PDSS2: variants seen among roughly 807,000 people sequenced by gnomAD.
The protein encoded by PDSS2 is all trans-polyprenyl-diphosphate synthase PDSS2.
PDSS2 carries 31 observed loss-of-function variants against 44.5 expected under a neutral mutation model. The observed-to-expected ratio is 0.70, with a 90% confidence interval of 0.52 to 0.94. The LOEUF is 0.94. PDSS2 is among the 40% of genes least tolerant of loss of function. PDSS2 has a pLI of 0.00. For missense variants in PDSS2, 452 were observed against 482.2 expected (o/e 0.94, Z 0.59); for synonymous variants, 157 against 180.3 (o/e 0.87, Z 1.03).
At chr6:107,333,788 G>A (rs9384656) in intron 2 of PDSS2, among the ~76,000 whole-genome samples, 23,374 of 152,092 alleles carry the variant, frequency 0.15, 2,156 homozygotes, top group East Asian at 0.26. Flanking sequence ...CACCAGGCTT[G>A]GCCTCCTAAA....
chr6:107,411,659 T>C (rs1780497476), intron 1 of PDSS2, among the ~76,000 whole-genome samples: 1 of 152,180 alleles, frequency 6.6e-6, no homozygotes, highest in South Asian at 2.1e-4. Context: ...CTAAACAATA[T>C]AGTTTTACAA....
At chr6:107,301,107 T>G (rs1776679963) in intron 2 of PDSS2, among the ~76,000 whole-genome samples, 1 of 152,244 alleles carries the variant, frequency 6.6e-6, no homozygotes, top group Non-Finnish European at 1.5e-5. Flanking sequence ...AGTGAAGTGA[T>G]GAAATTTGAA....
Position 107,358,826 on chromosome 6 carries a change from C to A in PDSS2, c.297-24494G>T, listed in dbSNP as rs1778668841. ...TTACCCACTAGATGCCAATAGCACC[C>A]CCAGTTGTAATAGCCAAAAATGTCT... On this transcript the variant is annotated intron_variant, in intron 1 of 7. Transcript: ENST00000369037. Among the ~76,000 whole-genome samples the A allele has an allele frequency of 2.0e-5, 3 of 152,012 alleles. No homozygotes were observed. In the South Asian group the frequency reaches 6.3e-4, roughly 32 times the overall value.
intron 1 of PDSS2, among the ~76,000 whole-genome samples, chr6:107,458,670 G>A (rs138043063): frequency 1.9e-3 from 289 of 151,664 alleles, no homozygotes; most frequent in African/African-American, 6.7e-3. Context: ...AAAATTTCTA[G>A]GAAGTGACTC....
chr6:107,366,304 A>G (rs1484883256), intron 1 of PDSS2, among the ~76,000 whole-genome samples: 1 of 152,154 alleles, frequency 6.6e-6, no homozygotes, highest in African/African-American at 2.4e-5. Context: ...GAAATCATTT[A>G]AAAAATTTTA....
At chr6:107,419,224 A>T (rs766593458) in intron 1 of PDSS2, among the ~76,000 whole-genome samples, 2 of 152,328 alleles carry the variant, frequency 1.3e-5, no homozygotes, top group Non-Finnish European at 2.9e-5. Context: ...GCAGAAATGG[A>T]TATCAATCTA....
At chr6:107,222,931 C>T (rs1293757725) in intron 4 of PDSS2, among the ~76,000 whole-genome samples, 1 of 151,756 alleles carries the variant, frequency 6.6e-6, no homozygotes, top group South Asian at 2.1e-4. Flanking sequence ...CAAAGTGACA[C>T]CCTGTCTCTA....
rs77500864 is a variant in PDSS2, at chr6:107,305,902, C to T, written c.431+28296G>A. On this transcript the variant is annotated intron_variant, in intron 2 of 7. Transcript: ENST00000369037. ...GCCTTAACATTATATTTAGACCTTCCTAAGCTAGATCCAAATTTAAGACTC... is the reference window on the plus strand; with the variant it reads ...GCCTTAACATTATATTTAGACCTTCTTAAGCTAGATCCAAATTTAAGACTC... 5.0e-3 allele frequency among the ~76,000 whole-genome samples: 757 copies of T among 152,188 alleles called. 3 individuals carry two copies. Among genetic ancestry groups the T allele is most frequent in the African/African-American group, 0.017 (713 of 41,520 alleles).
intron 1 of PDSS2, among the ~76,000 whole-genome samples, chr6:107,372,512 C>T (rs989276151): frequency 6.6e-5 from 10 of 152,140 alleles, no homozygotes; most frequent in East Asian, 1.9e-4. Context: ...AGGGCAGTTG[C>T]GCGATCTCGA....
intron 1 of PDSS2, among the ~76,000 whole-genome samples, chr6:107,366,632 A>T (rs1164755258): frequency 1.3e-5 from 2 of 152,040 alleles, no homozygotes; most frequent in Non-Finnish European, 2.9e-5. Context: ...CAAACTCAGG[A>T]ATGAAAAAAG....
intron 3 of PDSS2, among the ~76,000 whole-genome samples, chr6:107,264,994 G>A (rs1407316445): frequency 6.6e-6 from 1 of 152,102 alleles, no homozygotes; most frequent in Non-Finnish European, 1.5e-5. Flanking sequence ...TTCCATAATT[G>A]AAAATGAATG....
chr6:107,291,631 G>A (rs1776353718), intron 2 of PDSS2, among the ~76,000 whole-genome samples: 1 of 151,146 alleles, frequency 6.6e-6, no homozygotes, highest in African/African-American at 2.4e-5. Flanking sequence ...CTTCCAGAGT[G>A]CTGGAATTAC....
chr6:107,332,467 A>C (rs1299705943), intron 2 of PDSS2, among the ~76,000 whole-genome samples: 4 of 152,192 alleles, frequency 2.6e-5, no homozygotes, highest in Admixed American at 1.3e-4. Flanking sequence ...AGATGTACTA[A>C]AGATGTGCCA....
chr6:107,397,100 C>T (rs1779972222), intron 1 of PDSS2, among the ~76,000 whole-genome samples: 1 of 151,906 alleles, frequency 6.6e-6, no homozygotes, highest in Admixed American at 6.6e-5. Flanking sequence ...AAGGGTGAAA[C>T]TGTCAGTTGT....
chr6:107,155,304 C>G (rs1770848643), intron 7 of PDSS2, among the ~76,000 whole-genome samples: 1 of 152,058 alleles, frequency 6.6e-6, no homozygotes, highest in African/African-American at 2.4e-5. Context: ...CGCCACCACA[C>G]CCATCTAATT....
At chr6:107,457,124 T>C (rs17068227) in intron 1 of PDSS2, among the ~76,000 whole-genome samples, 15,701 of 152,232 alleles carry the variant, frequency 0.1, 961 homozygotes, top group South Asian at 0.19. Context: ...TTATTATTAC[T>C]ATTTGATAAC....
chr6:107,300,985 G>A (rs1776675091), intron 2 of PDSS2, among the ~76,000 whole-genome samples: 1 of 151,910 alleles, frequency 6.6e-6, no homozygotes, highest in African/African-American at 2.4e-5. Flanking sequence ...TAATCTTCCC[G>A]CACCACTTTC....
chr6:107,272,363 A>G (rs1218929550), intron 3 of PDSS2, among the ~76,000 whole-genome samples: 3 of 152,192 alleles, frequency 2.0e-5, no homozygotes, highest in African/African-American at 7.2e-5. Context: ...CACTGATCCA[A>G]CCTTCAAAGG....
At chr6:107,217,816 CAG>C (rs1187617890) in intron 4 of PDSS2, among the ~76,000 whole-genome samples, 1 of 152,156 alleles carries the variant, frequency 6.6e-6, no homozygotes, top group Non-Finnish European at 1.5e-5. Context: ...CTGACTAAAA[CAG>C]AGTTGAGAAG....
Sources: allele counts gnomAD v4.1 joint callset (sites outside exome capture counted in the v4.1 genomes callset), GRCh38; gene constraint gnomAD v4.1.1; transcripts MANE v1.5; gene names NCBI Gene and HGNC (gene_info 2026-07-23, HGNC 2026-07-21).